DNM3: variants seen among roughly 807,000 people sequenced by gnomAD.
The protein encoded by DNM3 is dynamin-3.
DNM3 carries 47 observed loss-of-function variants against 101.6 expected under a neutral mutation model. That is an observed-to-expected ratio of 0.46 (90% CI 0.37 to 0.59). The LOEUF (loss-of-function observed/expected upper bound fraction) is 0.59. Ranked by LOEUF, DNM3 falls within the 20% of genes least tolerant of loss-of-function variation. The probability of loss-of-function intolerance (pLI) is 0.00; values close to 1 mark genes in which losing one functional copy is unlikely to be tolerated. For missense variants in DNM3, 849 were observed against 1,085.7 expected (o/e 0.78, Z 3.06); for synonymous variants, 385 against 387.9 (o/e 0.99, Z 0.09).
intron 10 of DNM3, among the ~76,000 whole-genome samples, chr1:172,058,216 G>A (rs1286997787): frequency 6.6e-6 from 1 of 151,618 alleles, no homozygotes; most frequent in Admixed American, 6.6e-5. Context: ...TGACCTGCAA[G>A]GAGACTTAGA....
rs540209574 is a variant in DNM3 at position 172,095,709 on chromosome 1, T to A, written c.1545+2834T>A. On this transcript the variant is annotated intron_variant, in intron 13 of 20. Transcript: ENST00000627582. ...GCTGCTATCCTCTTAGGGCTCCTGG[T>A]TGCAGAAGATTGTTGTGCAGCATCT... Among the ~76,000 whole-genome samples, 284 of 152,318 alleles carry A rather than the reference T, an allele frequency of 1.9e-3. 2 individuals are homozygous for A. The highest frequency in any genetic ancestry group is 3.1e-3 in the Non-Finnish European group (209 of 68,026).
intron 1 of DNM3, among the ~76,000 whole-genome samples, chr1:171,885,784 C>G (rs986197622): frequency 6.6e-6 from 1 of 152,140 alleles, no homozygotes; most frequent in Non-Finnish European, 1.5e-5. Context: ...TTGCTTTTCT[C>G]CTAAAGGCAG....
intron 2 of DNM3, among the ~76,000 whole-genome samples, chr1:171,976,023 A>G (rs376764868): frequency 5.2e-4 from 79 of 152,322 alleles, no homozygotes; most frequent in African/African-American, 1.9e-3. Context: ...TGGCATTGGC[A>G]TAAAGAGACA....
chr1:172,226,929 C>CT (rs2061145330), intron 14 of DNM3, among the ~76,000 whole-genome samples: 1 of 151,702 alleles, frequency 6.6e-6, no homozygotes, highest in African/African-American at 2.4e-5. Context: ...TTCAATAGCT[C>CT]TGGGGGGAGG....
At chr1:171,864,951 C>T (rs10753203) in intron 1 of DNM3, among the ~76,000 whole-genome samples, 108,690 of 151,962 alleles carry the variant, frequency 0.72, 39,038 homozygotes, top group East Asian at 0.82. Flanking sequence ...AAATTAATCA[C>T]TCATTAATTT....
intron 14 of DNM3, among the ~76,000 whole-genome samples, chr1:172,213,488 C>G (rs957009973): frequency 1.9e-5 from 2 of 106,934 alleles, no homozygotes; most frequent in African/African-American, 9.6e-5. Flanking sequence ...TTAAACAAAG[C>G]TTACAGAACA....
intron 2 of DNM3, among the ~76,000 whole-genome samples, chr1:171,962,802 AAC>A (rs1262824270): frequency 2.0e-5 from 3 of 152,152 alleles, no homozygotes; most frequent in Non-Finnish European, 4.4e-5. Flanking sequence ...TTCAGTCTAC[AAC>A]AGTTACATAA....
chr1:172,331,250 T>C (rs970365376), intron 17 of DNM3, among the ~76,000 whole-genome samples: 1 of 152,170 alleles, frequency 6.6e-6, no homozygotes, highest in African/African-American at 2.4e-5. Flanking sequence ...ATGTATACTG[T>C]CTAAGGATTA....
chr1:172,073,132 A>G (rs550010865), intron 11 of DNM3, among the ~76,000 whole-genome samples: 5 of 152,288 alleles, frequency 3.3e-5, no homozygotes, highest in African/African-American at 4.8e-5. Flanking sequence ...ACAAATAAGT[A>G]TAGGGTGCTA....
Position 172,280,438 on chromosome 1 carries a change from T to C in DNM3, c.1769+26756T>C, listed in dbSNP as rs566185904. On this transcript the variant is annotated intron_variant, in intron 15 of 20. Transcript: ENST00000627582. ...AGGGCCTAGAACACTGCCTAGCATA[T>C]GGTAGTTATTCAGGAATGAAGGAAT... Among the ~76,000 whole-genome samples the C allele has an allele frequency of 7.9e-5, 12 of 152,318 alleles. No individual in the cohort carries two copies. The South Asian group carries it at 2.1e-3, about 26-fold the overall frequency.
At chr1:172,309,020 A>C in intron 16 of DNM3, 181 bp downstream of exon 16, 1 of 424,042 alleles carries the variant, frequency 2.4e-6, no homozygotes, top group Non-Finnish European at 4.1e-6. Context: ...TCTCTGTTAG[A>C]TTTCTATTTG....
At chr1:172,061,793 A>G (rs552815656) in intron 10 of DNM3, among the ~76,000 whole-genome samples, 1 of 152,130 alleles carries the variant, frequency 6.6e-6, no homozygotes, top group South Asian at 2.1e-4. Context: ...GCACATGTAT[A>G]CATATGTAAC....
intron 15 of DNM3, among the ~76,000 whole-genome samples, chr1:172,276,881 T>C (rs1312050398): frequency 6.6e-6 from 1 of 152,046 alleles, no homozygotes; most frequent in African/African-American, 2.4e-5. Context: ...GTTAAGTATT[T>C]GTGACAATAA....
intron 2 of DNM3, 52 bp downstream of exon 2, chr1:171,921,873 T>G: frequency 6.6e-7 from 1 of 1,514,260 alleles, no homozygotes; most frequent in Non-Finnish European, 9.0e-7. Context: ...GTGGCCCCTT[T>G]TGCCTTCATA....
intron 15 of DNM3, among the ~76,000 whole-genome samples, chr1:172,304,559 T>C (rs1023278433): frequency 6.6e-6 from 1 of 151,980 alleles, no homozygotes; most frequent in African/African-American, 2.4e-5. Flanking sequence ...GAACTCTCTA[T>C]CCCAAATCAA....
intron 10 of DNM3, 56 bp downstream of exon 10, chr1:172,048,806 T>C (rs1410026513): frequency 1.3e-6 from 2 of 1,569,766 alleles, no homozygotes; most frequent in East Asian, 2.3e-5. Flanking sequence ...CAACATTCCC[T>C]ATCTCATTGC....
At chr1:172,399,653 A>T (rs1313044218) in intron 20 of DNM3, among the ~76,000 whole-genome samples, 2 of 152,168 alleles carry the variant, frequency 1.3e-5, no homozygotes, top group African/African-American at 4.8e-5. Flanking sequence ...GCTTTAAAAA[A>T]TTTTGTTTTT....
rs147245793 is a variant in DNM3 at position 172,354,760 on chromosome 1, G to A, written c.1894-24258G>A. Among the ~76,000 whole-genome samples, 1,416 of 152,210 alleles carry A rather than the reference G, an allele frequency of 9.3e-3. 18 individuals carry two copies. The highest frequency in any genetic ancestry group is 0.032 in the African/African-American group (1,314 of 41,544). On this transcript the variant is annotated intron_variant, in intron 17 of 20. Transcript: ENST00000627582. The stretch of plus-strand genomic sequence containing the variant: ...GCAGAGGGCCTATGGTGAAGCCACA[G>A]CTGTCCTTGGGGCATTTGCTATCAC...
chr1:172,277,778 A>G (rs754825040), intron 15 of DNM3, among the ~76,000 whole-genome samples: 7 of 152,112 alleles, frequency 4.6e-5, no homozygotes, highest in Non-Finnish European at 1.0e-4. Flanking sequence ...TCAAGTGTTA[A>G]TGTCATTGAA....
Sources: allele counts gnomAD v4.1 joint callset (sites outside exome capture counted in the v4.1 genomes callset), GRCh38; gene constraint gnomAD v4.1.1; transcripts MANE v1.5; gene names NCBI Gene and HGNC (gene_info 2026-07-23, HGNC 2026-07-21).